Variants in LENG8 observed in about 807,000 individuals in gnomAD.
The protein encoded by LENG8 is leukocyte receptor cluster (LRC) member 8.
LENG8 carries 28 observed loss-of-function variants against 102.1 expected under a neutral mutation model. The observed-to-expected ratio is 0.27, with a 90% CI of 0.20 to 0.38. The LOEUF is 0.38. LENG8 is among the 10% of genes least tolerant of loss of function. LENG8 has a pLI of 1.00. For missense variants in LENG8, 1,022 were observed against 1,113.9 expected (o/e 0.92, Z 1.17); for synonymous variants, 531 against 456.7 (o/e 1.16, Z -2.07).
intron 15 of LENG8, chr19:54,460,342 C>T (rs2084466504): frequency 3.3e-6 from 4 of 1,206,504 alleles, no homozygotes; most frequent in Non-Finnish European, 4.2e-6. Context: ...TAGCTGGCAC[C>T]CCTGCGCCTG....
Position 54,455,034 on chromosome 19 carries a change from G to A in LENG8, c.763G>A (p.Glu255Lys), listed in dbSNP as rs1348176170. Residue 255 changes from glutamate to lysine, a missense_variant, in exon 7 of 16, where the codon GAG (glutamate) becomes AAG (lysine). Physicochemically the swap from Glu to Lys is moderately conservative, Grantham distance 56. Transcript: ENST00000326764. ...VTTQSFGSNAEGQHSGFGPQP... is the reference protein window; with the variant it reads ...VTTQSFGSNAKGQHSGFGPQP... Reference sequence around the variant, plus strand: ...CACCCAGAGCTTTGGCTCCAACGCAGAGGGCCAGCACAGTGGTTTTGGCCC... The same window carrying A: ...CACCCAGAGCTTTGGCTCCAACGCAAAGGGCCAGCACAGTGGTTTTGGCCC... The A allele has an allele frequency of 6.2e-7, 1 of 1,614,048 alleles. No homozygotes were observed. The highest frequency in any genetic ancestry group is 1.3e-5 in the African/African-American group (1 of 74,926).
intron 7 of LENG8, 116 bp from the exon 8 acceptor site, chr19:54,455,248 A>T: frequency 6.7e-7 from 1 of 1,484,110 alleles, no homozygotes; most frequent in Non-Finnish European, 9.3e-7. Context: ...GCACTGAAGG[A>T]GACAGAAGGA....
At chr19:54,458,837 C>G (rs1600005381) in intron 15 of LENG8, 3 of 1,550,956 alleles carry the variant, frequency 1.9e-6, no homozygotes, top group Non-Finnish European at 2.6e-6. Context: ...CTAGTTCACT[C>G]CTTGCCCTGG....
Position 54,458,198 on chromosome 19 carries a change from A to G in LENG8, c.1998A>G (p.Arg666=), listed in dbSNP as rs1426705341. 2.5e-6 allele frequency: 4 copies of G among 1,614,048 alleles called. No individual in the cohort carries two copies. Among genetic ancestry groups the G allele is most frequent in the African/African-American group, 1.3e-5 (1 of 74,924 alleles). ...ATGTGGGCGAGTTTACTGCCTACCG[A>G]ATCCTCTACTACATCTTCACCAAGA... ...PGNVGEFTAY[R]ILYYIFTKNS... The change falls in exon 14 of 16, where the codon CGA becomes CGG. Residue 666 remains arginine, a synonymous_variant. Coordinates refer to ENST00000326764, the MANE Select transcript of LENG8 (RefSeq NM_052925.4).
rs1051447640 is a variant in LENG8, at chr19:54,460,848, C to A, written c.2323C>A (p.Pro775Thr). ...GEAACRAFLE[P>T]LGLAYTGPDN... ...GGCCGCCTGCCGGGCCTTCCTAGAG[C>A]CCCTGGGCCTGGCCTACACGGGCCC... is the stretch of plus-strand genomic sequence containing the variant. The change falls in exon 16 of 16, where the codon CCC becomes ACC. Residue 775 changes from proline (P) to threonine (T), a missense_variant. By Grantham distance (38) the Pro-to-Thr change is conservative (BLOSUM62 -1). Coordinates refer to ENST00000326764, the MANE Select transcript of LENG8 (RefSeq NM_052925.4). The A allele has an allele frequency of 5.7e-6, 9 of 1,572,646 alleles. No individual in the cohort carries two copies. The South Asian group carries it at 8.2e-5, about 14-fold the overall frequency.
At chr19:54,460,737 C>CCCCCCCCCTT in intron 15 of LENG8, 29 bp from the exon 16 acceptor site, 1 of 1,454,634 alleles carries the variant, frequency 6.9e-7, no homozygotes, top group East Asian at 2.6e-5. Flanking sequence ...GCCCGCCCGC[C>CCCCCCCCCTT]TCATCACCTT....
At position 54,456,755 on chromosome 19, in the gene LENG8, G is replaced by A. The variant is rs775233160; in HGVS notation, c.1565G>A (p.Arg522His). 8.1e-6 allele frequency: 13 copies of A among 1,610,852 alleles called. No homozygotes were observed. The highest frequency in any genetic ancestry group is 3.3e-5 in the Admixed American group (2 of 59,802). The stretch of plus-strand genomic sequence containing the variant: ...GCCCGCTTCCAGCACGGACACTCCC[G>A]CCGCCTGCGCCTCGAGCCCCTGGTG... ...RAARFQHGHS[R>H]RLRLEPLVLQ... The change falls in exon 11 of 16, where the codon CGC becomes CAC. Residue 522 changes from arginine to histidine, a missense_variant. By Grantham distance (29) the Arg-to-His change is conservative. Coordinates refer to ENST00000326764, the MANE Select transcript of LENG8 (RefSeq NM_052925.4).
intron 15 of LENG8, chr19:54,460,030 A>G (rs2084450983): frequency 7.8e-6 from 10 of 1,280,444 alleles, no homozygotes; most frequent in Admixed American, 2.3e-5. Context: ...CATTGACCTC[A>G]TTGTGTCAGC....
Position 54,456,059 on chromosome 19 carries a change from C to G in LENG8, c.1118C>G (p.Thr373Arg). ...CCTCCTAGAGGGGCAGGCTCGGCGA[C>G]AAGGGGCGGGGGTGCCCCGTCCCAG... ...LHPPRGAGSA[T>R]RGGGAPSQRG... The change falls in exon 9 of 16, where the codon ACA becomes AGA. Residue 373 changes from threonine to arginine, a missense_variant. By Grantham distance (71) the Thr-to-Arg change is moderately conservative (BLOSUM62 -1). Transcript: ENST00000326764. 1 of 1,611,200 alleles carries G rather than the reference C, an allele frequency of 6.2e-7. No individual in the cohort carries two copies. The highest frequency in any genetic ancestry group is 8.5e-7 in the Non-Finnish European group (1 of 1,178,300).
rs1341863377 is a variant in LENG8, at chr19:54,461,827, A to G, written c.*899A>G. The G allele has an allele frequency of 1.9e-6, 1 of 515,474 alleles. No homozygotes were observed. The highest frequency in any genetic ancestry group is 3.8e-6 in the Non-Finnish European group (1 of 263,260). 31.9% of individuals were successfully genotyped at this position (515,474 alleles called of 1,614,324 possible). On this transcript the variant is annotated 3_prime_UTR_variant, in exon 16 of 16. Transcript: ENST00000326764. ...GCCCTCCCTCCCTCCCTCTTCTGCC[A>G]TGTAACTGGAGGATGTGCTATGAGT...
chr19:54,460,915 T>C lies in LENG8; in HGVS notation c.2390T>C (p.Leu797Pro). 2 of 1,548,900 alleles carry C rather than the reference T, an allele frequency of 1.3e-6. No individual in the cohort carries two copies. The highest frequency in any genetic ancestry group is 1.7e-6 in the Non-Finnish European group (2 of 1,148,964). ...SIDCRLSLAQ[L>P]SAF ...GACTGCCGCCTCAGCCTGGCGCAGC[T>C]GTCAGCCTTCTGAGCACCCAGCGAG... Residue 797 changes from leucine to proline, a missense_variant, in exon 16 of 16, where the codon CTG becomes CCG. Around this residue, in one of 7 missense-constraint regions of LENG8, gnomAD observed 129 missense variants for 123.0 expected, o/e 1.05. Coordinates refer to ENST00000326764, the MANE Select transcript of LENG8 (RefSeq NM_052925.4).
intron 11 of LENG8, 76 bp from the exon 12 acceptor site, chr19:54,457,671 C>A (rs2084323219): frequency 9.7e-7 from 1 of 1,026,544 alleles, no homozygotes; most frequent in African/African-American, 1.6e-5. Context: ...TTGCAACTCT[C>A]CCACCAAATA....
chr19:54,459,690 C>T (rs1183500956), intron 15 of LENG8: 3 of 1,022,832 alleles, frequency 2.9e-6, no homozygotes, highest in African/African-American at 1.7e-5. Flanking sequence ...GAGGGACTGT[C>T]AGCCTGGAGG....
At chr19:54,459,779 G>T in intron 15 of LENG8, 1 of 1,102,572 alleles carries the variant, frequency 9.1e-7, no homozygotes, top group Non-Finnish European at 1.1e-6. Flanking sequence ...AGTCACAGGA[G>T]CAGACGAGGA....
chr19:54,456,680 C>T lies in LENG8; in HGVS notation c.1490C>T (p.Ala497Val), dbSNP rs765037952. 76 of 1,613,038 alleles carry T rather than the reference C, an allele frequency of 4.7e-5. No individual in the cohort carries two copies. Among genetic ancestry groups the T allele is most frequent in the Non-Finnish European group, 5.8e-5 (69 of 1,179,710 alleles). The change falls in exon 11 of 16, where the codon GCG (alanine) becomes GTG (valine). Residue 497 changes from alanine (A) to valine (V), a missense_variant. Ala to Val is a moderately conservative substitution (Grantham distance 64, BLOSUM62 0). Transcript: ENST00000326764. ...PTKRSRKKMAALECEDPEREL... is the reference protein window; with the variant it reads ...PTKRSRKKMAVLECEDPEREL... The stretch of plus-strand genomic sequence containing the variant: ...AAGCGCAGTCGAAAGAAGATGGCGG[C>T]GCTGGAGTGTGAGGACCCGGAGCGA...
intron 7 of LENG8, 123 bp downstream of exon 7, chr19:54,455,215 C>T: frequency 6.6e-7 from 1 of 1,507,818 alleles, no homozygotes. Context: ...GGCAGAAGGA[C>T]CCTCTCTTGG....
In LENG8 at chr19:54,461,623, T is replaced by C. The variant is rs774995081; in HGVS notation, c.*695T>C. On this transcript the variant is annotated 3_prime_UTR_variant, in exon 16 of 16. Coordinates refer to ENST00000326764, the MANE Select transcript of LENG8 (RefSeq NM_052925.4). ...CTCTGCCCCCAGTGTTTCTTCTGAT[T>C]TTTTTTTCCCCTTTCCCTCCCTCCC... 3.0e-5 allele frequency: 14 copies of C among 473,710 alleles called. No homozygotes were observed. The highest frequency in any genetic ancestry group is 2.8e-4 in the Admixed American group (12 of 42,554). The allele number at this position is 473,710 out of a possible 1,614,324, so 29.3% of individuals were successfully genotyped here. A position where few individuals can be genotyped will look rare whatever the true frequency, so the allele number is the denominator to read the frequency against.
chr19:54,460,295 C>T, intron 15 of LENG8: 6 of 1,253,074 alleles, frequency 4.8e-6, no homozygotes, highest in Non-Finnish European at 6.2e-6. Flanking sequence ...TTAGCAGCAG[C>T]CGGAAGTGAC....
intron 15 of LENG8, 44 bp from the exon 16 acceptor site, chr19:54,460,719 GCCC>G: frequency 1.3e-6 from 1 of 778,916 alleles, no homozygotes; most frequent in Non-Finnish European, 1.8e-6. Flanking sequence ...GCCCTCCCCT[GCCC>G]TCCCGCCCGC....
Sources: allele counts gnomAD v4.1 joint callset, GRCh38; gene constraint gnomAD v4.1.1; regional missense constraint gnomAD v4.1.1; transcripts MANE v1.5; gene names NCBI Gene and HGNC (gene_info 2026-07-23, HGNC 2026-07-21).